UGT2A1: variants seen among roughly 807,000 people sequenced by gnomAD.
The protein encoded by UGT2A1 is UDP-glucuronosyltransferase 2A1.
Under a neutral mutation model 45.4 loss-of-function variants are expected in UGT2A1, and 61 were observed. The observed-to-expected ratio is 1.34, with a 90% CI of 1.09 to 1.66. UGT2A1 has a LOEUF of 1.66. Among genes scored for constraint, UGT2A1 ranks in the 40% most tolerant of loss-of-function variants. The pLI is 0.00. For missense variants in UGT2A1, 649 were observed against 574.3 expected, an observed-to-expected ratio of 1.13 and a Z score of -1.33; for synonymous variants, 229 against 196.2, an observed-to-expected ratio of 1.17 and a Z score of -1.40.
chr4:69,648,023 G>A (rs1401914902), intron 1 of UGT2A1, among the ~76,000 whole-genome samples: 1 of 151,666 alleles, frequency 6.6e-6, no homozygotes, highest in Admixed American at 6.6e-5. Context: ...CCTAGGTATT[G>A]AAACCTCAGA....
At chr4:69,610,070 G>A (rs572294044) in intron 3 of UGT2A1, among the ~76,000 whole-genome samples, 2 of 152,158 alleles carry the variant, frequency 1.3e-5, no homozygotes, top group East Asian at 1.9e-4. Context: ...GTTTCCATTG[G>A]AAGAATCATG....
rs528097248 is a variant in UGT2A1 at position 69,605,276 on chromosome 4, A to G, written c.848-5882T>C. On this transcript the variant is annotated intron_variant, in intron 3 of 6. Coordinates refer to ENST00000286604, the MANE Select transcript of UGT2A1 (RefSeq NM_001252275.3). Reference sequence around the variant, plus strand: ...CTCAGGATTAAGAAATTCACTCAAAACCGCTCAACTACATGGAAACTGAAC... The same window carrying G: ...CTCAGGATTAAGAAATTCACTCAAAGCCGCTCAACTACATGGAAACTGAAC... 4.9e-3 allele frequency among the ~76,000 whole-genome samples: 665 copies of G among 136,886 alleles called. 141 individuals are homozygous for G. Among genetic ancestry groups the G allele is most frequent in the Middle Eastern group, 0.019 (5 of 260 alleles). 89.8% of individuals were successfully genotyped at this position (136,886 alleles called of 152,430 possible).
In UGT2A1 at chr4:69,599,410, C is replaced by T. The variant is rs1719126960; in HGVS notation, c.848-16G>A. On this transcript the variant is annotated splice_polypyrimidine_tract_variant and intron_variant, in intron 3 of 6. Transcript: ENST00000286604. Reference sequence around the variant, plus strand: ...GTGGGTCTTCCTGGAGAAAATGTAACAAGTTGGATGGAGGAAATTAGCTTA... The same window carrying T: ...GTGGGTCTTCCTGGAGAAAATGTAATAAGTTGGATGGAGGAAATTAGCTTA... 1.2e-6 allele frequency: 2 copies of T among 1,610,602 alleles called. No homozygotes were observed. The highest frequency in any genetic ancestry group is 3.4e-5 in the Admixed American group (2 of 58,812).
chr4:69,644,423 T>C (rs1485541745), intron 2 of UGT2A1, among the ~76,000 whole-genome samples: 2 of 151,744 alleles, frequency 1.3e-5, no homozygotes, highest in African/African-American at 2.4e-5. Context: ...AGACGGTCTA[T>C]GTACATTCCG....
intron 3 of UGT2A1, among the ~76,000 whole-genome samples, chr4:69,602,896 T>C (rs1289507623): frequency 1.5e-5 from 2 of 134,374 alleles, no homozygotes; most frequent in East Asian, 2.1e-4. Flanking sequence ...TGAAACCCCG[T>C]CTCTACTAAA....
At chr4:69,615,895 A>G (rs920793660) in intron 3 of UGT2A1, among the ~76,000 whole-genome samples, 1 of 151,336 alleles carries the variant, frequency 6.6e-6, no homozygotes, top group Non-Finnish European at 1.5e-5. Flanking sequence ...TGATCCGACA[A>G]TCACACTGCT....
chr4:69,606,308 A>G (rs1357345503), intron 3 of UGT2A1, among the ~76,000 whole-genome samples: 2 of 136,572 alleles, frequency 1.5e-5, no homozygotes, highest in Non-Finnish European at 3.1e-5. Flanking sequence ...TATAAACAGA[A>G]CCAAAGACAA....
intron 3 of UGT2A1, among the ~76,000 whole-genome samples, chr4:69,601,793 A>T (rs906225226): frequency 1.1e-5 from 1 of 93,182 alleles, no homozygotes; most frequent in East Asian, 2.7e-4. Flanking sequence ...TCCCTTGCAG[A>T]CATTCCCTAG....
intron 1 of UGT2A1, among the ~76,000 whole-genome samples, chr4:69,651,713 T>C (rs934436127): frequency 2.6e-5 from 4 of 152,190 alleles, no homozygotes; most frequent in African/African-American, 7.2e-5. Context: ...GTTAATTGAA[T>C]GCAGATGCCA....
At chr4:69,636,392 C>T (rs1250011425) in intron 2 of UGT2A1, among the ~76,000 whole-genome samples, 1 of 152,124 alleles carries the variant, frequency 6.6e-6, no homozygotes, top group Non-Finnish European at 1.5e-5. Context: ...CAGTTCTTCA[C>T]AGTATACCTT....
At chr4:69,640,937 A>C (rs1325409430) in intron 2 of UGT2A1, among the ~76,000 whole-genome samples, 2 of 151,944 alleles carry the variant, frequency 1.3e-5, no homozygotes, top group East Asian at 3.9e-4. Context: ...ATCTTCATAA[A>C]GAAATCTGTT....
At chr4:69,615,265 T>C (rs1269315691) in intron 3 of UGT2A1, among the ~76,000 whole-genome samples, 1 of 151,996 alleles carries the variant, frequency 6.6e-6, no homozygotes, top group Non-Finnish European at 1.5e-5. Flanking sequence ...ATCTCACTGA[T>C]TTAAAACCCG....
chr4:69,589,743 TAAG>T lies in UGT2A1; in HGVS notation c.1305-95_1305-93del. ...GTGATACACTTTTGCTCTACAAGTT[TAAG>T]GCCATAGTTACGTGGAGAAAATATA... On this transcript the variant is annotated intron_variant, in intron 6 of 6. Coordinates refer to ENST00000286604, the MANE Select transcript of UGT2A1 (RefSeq NM_001252275.3). 3.3e-6 allele frequency: 5 copies of T among 1,495,910 alleles called. 1 individual carries two copies. The South Asian group carries it at 6.8e-5, about 20-fold the overall frequency. The allele number at this position is 1,495,910 out of a possible 1,614,324, so 92.7% of individuals were successfully genotyped here.
At chr4:69,632,363 T>C (rs985214012) in intron 3 of UGT2A1, among the ~76,000 whole-genome samples, 1 of 152,148 alleles carries the variant, frequency 6.6e-6, no homozygotes, top group Non-Finnish European at 1.5e-5. Flanking sequence ...GGGAAATTCT[T>C]TTTTAGTTTA....
At chr4:69,594,389 T>A in intron 6 of UGT2A1, 88 bp downstream of exon 6, 2 of 1,498,004 alleles carry the variant, frequency 1.3e-6, no homozygotes, top group Non-Finnish European at 1.8e-6. Context: ...TGGAAAATAA[T>A]TACAAAAGTA....
chr4:69,633,292 T>A (rs1721489102), intron 3 of UGT2A1, among the ~76,000 whole-genome samples: 1 of 152,096 alleles, frequency 6.6e-6, no homozygotes, highest in South Asian at 2.1e-4. Flanking sequence ...ATGGTTACAA[T>A]GAAAATAAAT....
chr4:69,618,352 T>C (rs1312432504), intron 3 of UGT2A1, among the ~76,000 whole-genome samples: 1 of 80,458 alleles, frequency 1.2e-5, no homozygotes, highest in African/African-American at 4.2e-5. Context: ...CAGGAACTCA[T>C]ACTAATCAAT....
Position 69,644,702 on chromosome 4 carries a change from C to T in UGT2A1, c.715+2228G>A, listed in dbSNP as rs538884227. On this transcript the variant is annotated intron_variant, in intron 2 of 6. Transcript: ENST00000286604. ...GACAGAATAGCTAGCTCTTCTTTTA[C>T]ATCCCAAGATTTAAAGATCTGTTTT... Among the ~76,000 whole-genome samples the T allele has an allele frequency of 5.3e-5, 8 of 151,852 alleles. No individual in the cohort carries two copies. In the South Asian group the frequency reaches 1.7e-3, roughly 31 times the overall value.
At chr4:69,633,930 T>C (rs1322607153) in intron 3 of UGT2A1, among the ~76,000 whole-genome samples, 1 of 152,064 alleles carries the variant, frequency 6.6e-6, no homozygotes, top group Non-Finnish European at 1.5e-5. Context: ...GGATTTATGT[T>C]TTGCAGAAAG....
Sources: allele counts gnomAD v4.1 joint callset (sites outside exome capture counted in the v4.1 genomes callset), GRCh38; gene constraint gnomAD v4.1.1; transcripts MANE v1.5; gene names NCBI Gene and HGNC (gene_info 2026-07-23, HGNC 2026-07-21).